Variants in ADARB2 observed in about 807,000 individuals in gnomAD.
ADARB2 encodes adenosine deaminase RNA specific B2 (inactive).
ADARB2 carries 25 observed loss-of-function variants against 62.2 expected under a neutral mutation model. The ratio of observed to expected loss-of-function variants is 0.40; its 90% confidence interval spans 0.29 to 0.56. The LOEUF is 0.56. Ranked by LOEUF, ADARB2 falls within the 20% of genes least tolerant of loss-of-function variation. The pLI is 0.43. For missense variants in ADARB2, 1,071 were observed against 1,077.4 expected (o/e 0.99, Z 0.08); for synonymous variants, 572 against 500.8 (o/e 1.14, Z -1.90).
At chr10:1,347,754 C>T (rs1168126934) in intron 3 of ADARB2, among the ~76,000 whole-genome samples, 1 of 152,200 alleles carries the variant, frequency 6.6e-6, no homozygotes, top group African/African-American at 2.4e-5. Context: ...CCTCTGGACC[C>T]CACGTACGCA....
At chr10:1,687,555 T>C (rs945142081) in intron 1 of ADARB2, among the ~76,000 whole-genome samples, 4 of 152,164 alleles carry the variant, frequency 2.6e-5, no homozygotes, top group African/African-American at 9.7e-5. Flanking sequence ...ATTATTCTCT[T>C]TGATTGATTT....
intron 4 of ADARB2, among the ~76,000 whole-genome samples, chr10:1,261,595 A>G (rs1483374702): frequency 1.3e-5 from 2 of 149,864 alleles, no homozygotes; most frequent in Non-Finnish European, 2.9e-5. Flanking sequence ...CAAAACCACA[A>G]TGAGATACCA....
chr10:1,440,835 C>CACAGACTTCAGGTGAGTTTT (rs1200706070), intron 1 of ADARB2, among the ~76,000 whole-genome samples: 3 of 152,206 alleles, frequency 2.0e-5, no homozygotes, highest in Non-Finnish European at 4.4e-5. Context: ...AGAACATGAG[C>CACAGACTTCAGGTGAGTTTT]ACAGACTTCA....
intron 1 of ADARB2, among the ~76,000 whole-genome samples, chr10:1,403,075 G>A (rs1832678668): frequency 6.6e-6 from 1 of 152,218 alleles, no homozygotes; most frequent in African/African-American, 2.4e-5. Flanking sequence ...TGCAGGCACC[G>A]TGTGCGGCTC....
intron 4 of ADARB2, among the ~76,000 whole-genome samples, chr10:1,245,627 G>A (rs1366929106): frequency 1.3e-5 from 2 of 152,048 alleles, no homozygotes; most frequent in Admixed American, 6.6e-5. Flanking sequence ...TGAGAATGAT[G>A]GTTTCTAGCT....
In ADARB2 at chr10:1,233,978, C is replaced by CTTTTTTTTTTTTTTTTTTTTTTTT. The variant is rs1589160330; in HGVS notation, c.1362-134_1362-133insAAAAAAAAAAAAAAAAAAAAAAAA. The CTTTTTTTTTTTTTTTTTTTTTTTT allele has an allele frequency of 9.2e-6, 4 of 433,412 alleles. 2 individuals carry two copies. The highest frequency in any genetic ancestry group is 6.4e-6 in the Non-Finnish European group (2 of 312,792). 26.8% of individuals were successfully genotyped at this position (433,412 alleles called of 1,614,324 possible). A position where few individuals can be genotyped will look rare whatever the true frequency, so the allele number is the denominator to read the frequency against. Reference sequence around the variant, plus strand: ...CTTTATATTTTTCCTTTTTTTTTTCCTTTTTTTTTTGAGACGGAGTCTTGT... The same window carrying CTTTTTTTTTTTTTTTTTTTTTTTT: ...CTTTATATTTTTCCTTTTTTTTTTCCTTTTTTTTTTTTTTTTTTTTTTTTTTTTTTTTTTGAGACGGAGTCTTGT... On this transcript the variant is annotated intron_variant, in intron 5 of 9. Coordinates refer to ENST00000381312, the MANE Select transcript of ADARB2 (RefSeq NM_018702.4).
intron 1 of ADARB2, among the ~76,000 whole-genome samples, chr10:1,434,377 G>A (rs2131891435): frequency 6.6e-6 from 1 of 152,256 alleles, no homozygotes; most frequent in Non-Finnish European, 1.5e-5. Context: ...TTCAGCTCCC[G>A]CTGGGGCCTC....
chr10:1,363,180 C>A lies in ADARB2; in HGVS notation c.925G>T (p.Ala309Ser), dbSNP rs768887778. ...AERRARSFVM[A>S]VSVDGRTFEG... ...AACGTCCTGCCGTCCACGCTCACGG[C>A]CATCACGAAGCTCCGCGCGCGCCGC... Residue 309 changes from alanine (A) to serine (S), a missense_variant, in exon 3 of 10, where the codon GCC becomes TCC. Ala to Ser is a moderately conservative substitution (Grantham distance 99). Coordinates refer to ENST00000381312, the MANE Select transcript of ADARB2 (RefSeq NM_018702.4). The A allele has an allele frequency of 4.6e-6, 7 of 1,528,610 alleles. No homozygotes were observed. The highest frequency in any genetic ancestry group is 1.4e-5 in the African/African-American group (1 of 69,934). 94.7% of individuals were successfully genotyped at this position (1,528,610 alleles called of 1,614,324 possible). A position where few individuals can be genotyped will look rare whatever the true frequency, so the allele number is the denominator to read the frequency against.
chr10:1,303,987 T>G (rs1831600790), intron 3 of ADARB2, among the ~76,000 whole-genome samples: 2 of 152,114 alleles, frequency 1.3e-5, no homozygotes, highest in South Asian at 4.2e-4. Flanking sequence ...AATAACCAGC[T>G]AACATCATAA....
At chr10:1,389,341 A>G (rs1832549735) in intron 1 of ADARB2, among the ~76,000 whole-genome samples, 1 of 152,220 alleles carries the variant, frequency 6.6e-6, no homozygotes, top group African/African-American at 2.4e-5. Context: ...ACTGTTGATT[A>G]AGCTAAAAGG....
intron 1 of ADARB2, among the ~76,000 whole-genome samples, chr10:1,438,370 T>C (rs928492456): frequency 4.6e-5 from 6 of 130,020 alleles, no homozygotes; most frequent in African/African-American, 1.9e-4. Context: ...CCTCAGCAGA[T>C]GGAAGGAGGT....
chr10:1,660,099 C>A (rs544625790), intron 1 of ADARB2, among the ~76,000 whole-genome samples: 1 of 151,982 alleles, frequency 6.6e-6, no homozygotes, highest in Non-Finnish European at 1.5e-5. Context: ...CTGGTTCATC[C>A]GCCTGCCTTC....
chr10:1,363,797 T>C lies in ADARB2; in HGVS notation c.308A>G (p.Glu103Gly). Residue 103 changes from glutamate to glycine, a missense_variant, in exon 3 of 10, where the codon GAG (glutamate) becomes GGG (glycine). By Grantham distance (98) the Glu-to-Gly change is moderately conservative. Transcript: ENST00000381312. ...GCACAAGTGGCCCCCATTCCCCTCC[T>C]CCAGCGGCCGCTTCCTCTTCGCGCC... ...APGAKRKRPL[E>G]EGNGGHLCKL... 1 of 1,597,060 alleles carries C rather than the reference T, an allele frequency of 6.3e-7. No homozygotes were observed. Among genetic ancestry groups the C allele is most frequent in the Non-Finnish European group, 8.5e-7 (1 of 1,178,710 alleles).
At chr10:1,690,558 G>C (rs999742099) in intron 1 of ADARB2, among the ~76,000 whole-genome samples, 2 of 152,276 alleles carry the variant, frequency 1.3e-5, no homozygotes, top group Admixed American at 6.5e-5. Flanking sequence ...ACAGTGCAAG[G>C]GGTTCTTGAG....
chr10:1,629,899 T>C (rs1833821120), intron 1 of ADARB2, among the ~76,000 whole-genome samples: 3 of 151,116 alleles, frequency 2.0e-5, no homozygotes, highest in Admixed American at 2.0e-4. Flanking sequence ...ACACAGAGAA[T>C]GCGGGGGAAG....
At chr10:1,545,544 C>A (rs1234992410) in intron 1 of ADARB2, among the ~76,000 whole-genome samples, 2 of 152,192 alleles carry the variant, frequency 1.3e-5, no homozygotes, top group African/African-American at 4.8e-5. Context: ...TCTTCCCTGA[C>A]TTTTTCCTCC....
In ADARB2 at chr10:1,466,828, C is replaced by T. The variant is rs182870820; in HGVS notation, c.101-87668G>A. Among the ~76,000 whole-genome samples the T allele has an allele frequency of 1.9e-3, 292 of 152,238 alleles. 1 individual carries two copies. Among genetic ancestry groups the T allele is most frequent in the African/African-American group, 6.5e-3 (271 of 41,534 alleles). On this transcript the variant is annotated intron_variant, in intron 1 of 9. Transcript: ENST00000381312. Reference sequence around the variant, plus strand: ...GGATGTGACACTGCTTATCAGAAGCCGCCTGGGTCTTCGGGACAGAGTCTA... The same window carrying T: ...GGATGTGACACTGCTTATCAGAAGCTGCCTGGGTCTTCGGGACAGAGTCTA...
chr10:1,353,168 A>C (rs1404193261), intron 3 of ADARB2, among the ~76,000 whole-genome samples: 1 of 152,160 alleles, frequency 6.6e-6, no homozygotes, highest in Non-Finnish European at 1.5e-5. Context: ...GGCAACTCTT[A>C]AGTCCCTCTT....
intron 1 of ADARB2, among the ~76,000 whole-genome samples, chr10:1,613,987 A>T (rs1289553079): frequency 1.3e-5 from 2 of 152,332 alleles, no homozygotes; most frequent in Non-Finnish European, 1.5e-5. Flanking sequence ...ACTTTGTTTG[A>T]CTTGGTTAGT....
Sources: allele counts gnomAD v4.1 joint callset (sites outside exome capture counted in the v4.1 genomes callset), GRCh38; gene constraint gnomAD v4.1.1; transcripts MANE v1.5; gene names NCBI Gene and HGNC (gene_info 2026-07-23, HGNC 2026-07-21).